Variants in ZEB2 observed in about 807,000 individuals in gnomAD.
The protein encoded by ZEB2 is zinc finger E-box binding homeobox 2.
Under a neutral mutation model 99.9 loss-of-function variants are expected in ZEB2, and 6 were observed. The observed-to-expected ratio is 0.06, with a 90% CI of 0.03 to 0.12. The LOEUF is 0.12. Ranked by LOEUF, ZEB2 falls within the 10% of genes least tolerant of loss-of-function variation. The probability of loss-of-function intolerance (pLI) is 1.00; values close to 1 mark genes in which losing one functional copy is unlikely to be tolerated. For synonymous variants in ZEB2, 517 were observed against 542.5 expected (o/e 0.95, Z 0.65); for missense variants, 969 against 1,502.8 (o/e 0.64, Z 5.87).
chr2:144,415,004 C>CTT (rs71404501), intron 4 of ZEB2, among the ~76,000 whole-genome samples: 13 of 140,448 alleles, frequency 9.3e-5, no homozygotes, highest in East Asian at 4.2e-4. Flanking sequence ...TACTTTTTTT[C>CTT]TTTTTTTTTT....
intron 9 of ZEB2, among the ~76,000 whole-genome samples, chr2:144,394,015 G>A (rs1280382787): frequency 2.6e-5 from 4 of 152,240 alleles, no homozygotes; most frequent in Non-Finnish European, 2.9e-5. Flanking sequence ...TCCGCCTCCC[G>A]GGTTCAAGTG....
At chr2:144,513,669 A>G in intron 2 of ZEB2, 2 of 1,535,086 alleles carry the variant, frequency 1.3e-6, no homozygotes, top group East Asian at 2.4e-5. Flanking sequence ...GGGAAGCAGG[A>G]GCATCCCAGG....
At chr2:144,488,974 T>C (rs1223678148) in intron 2 of ZEB2, among the ~76,000 whole-genome samples, 1 of 152,218 alleles carries the variant, frequency 6.6e-6, no homozygotes, top group Non-Finnish European at 1.5e-5. Flanking sequence ...CCTTTGCACA[T>C]ACTGGGTACT....
At chr2:144,518,991 G>C (rs560306096) in intron 1 of ZEB2, 8 of 152,242 alleles carry the variant, frequency 5.3e-5, no homozygotes, top group Admixed American at 5.2e-4. Flanking sequence ...ATTACAGGGG[G>C]AGCATGTAAA....
intron 4 of ZEB2, among the ~76,000 whole-genome samples, chr2:144,408,869 G>T (rs1218344492): frequency 6.6e-6 from 1 of 152,082 alleles, no homozygotes; most frequent in African/African-American, 2.4e-5. Context: ...GTAGCCAATA[G>T]ATCCAATTAA....
At chr2:144,460,194 G>C (rs766982812) in intron 2 of ZEB2, among the ~76,000 whole-genome samples, 5 of 152,110 alleles carry the variant, frequency 3.3e-5, no homozygotes, top group South Asian at 4.2e-4. Flanking sequence ...ATGTGGACTG[G>C]GGAAGAGTGA....
chr2:144,411,644 A>T (rs1703466478), intron 4 of ZEB2, among the ~76,000 whole-genome samples: 1 of 152,234 alleles, frequency 6.6e-6, no homozygotes, highest in Admixed American at 6.5e-5. Context: ...CCAGGTCGTC[A>T]AGAGCAACAG....
At chr2:144,517,624 T>C in intron 1 of ZEB2, 2 of 642,936 alleles carry the variant, frequency 3.1e-6, no homozygotes, top group East Asian at 6.2e-5. Flanking sequence ...TTTGGTGTGT[T>C]GCACCCGCGA....
intron 4 of ZEB2, among the ~76,000 whole-genome samples, chr2:144,417,093 TC>T (rs1362314457): frequency 6.6e-6 from 1 of 152,230 alleles, no homozygotes; most frequent in Non-Finnish European, 1.5e-5. Flanking sequence ...CAGTGACTCT[TC>T]TTTTCTCACT....
chr2:144,437,551 C>T (rs866054903), intron 2 of ZEB2, among the ~76,000 whole-genome samples: 1 of 152,038 alleles, frequency 6.6e-6, no homozygotes, highest in South Asian at 2.1e-4. Context: ...CACTATCATG[C>T]CTGAAGGATA....
chr2:144,455,566 T>C (rs1266976522), intron 2 of ZEB2, among the ~76,000 whole-genome samples: 3 of 152,220 alleles, frequency 2.0e-5, no homozygotes, highest in Non-Finnish European at 4.4e-5. Flanking sequence ...TGATTAACTC[T>C]CAAAATACAA....
intron 2 of ZEB2, among the ~76,000 whole-genome samples, chr2:144,447,338 T>C (rs1209296179): frequency 1.3e-5 from 2 of 152,230 alleles, no homozygotes; most frequent in African/African-American, 4.8e-5. Flanking sequence ...AAAATTTGCA[T>C]AACTGGTTCT....
intron 2 of ZEB2, among the ~76,000 whole-genome samples, chr2:144,477,430 C>A (rs1273619921): frequency 1.3e-5 from 2 of 152,104 alleles, no homozygotes; most frequent in Non-Finnish European, 1.5e-5. Context: ...CAACTTTAAC[C>A]CCTTTACTGT....
chr2:144,421,158 T>C (rs1186660522), intron 4 of ZEB2, among the ~76,000 whole-genome samples: 2 of 152,150 alleles, frequency 1.3e-5, no homozygotes, highest in African/African-American at 4.8e-5. Context: ...GTGCTGTTTG[T>C]CTCCCATTCA....
At chr2:144,396,707 G>T in intron 8 of ZEB2, 115 bp from the exon 9 acceptor site, 15 of 1,079,502 alleles carry the variant, frequency 1.4e-5, no homozygotes, top group Middle Eastern at 2.5e-4. Context: ...AATTGATTGA[G>T]TTAAACATTT....
At chr2:144,425,505 G>C (rs3821064) in intron 3 of ZEB2, among the ~76,000 whole-genome samples, 35,728 of 151,988 alleles carry the variant, frequency 0.24, 4,353 homozygotes, top group South Asian at 0.31. Flanking sequence ...TCCTCATCAT[G>C]ATTTATGCCC....
At chr2:144,418,992 A>T (rs1409721217) in intron 4 of ZEB2, among the ~76,000 whole-genome samples, 1 of 152,142 alleles carries the variant, frequency 6.6e-6, no homozygotes, top group Non-Finnish European at 1.5e-5. Flanking sequence ...AAGAAAATAA[A>T]AATAAAGTTA....
chr2:144,402,451 G>C (rs924805046), intron 6 of ZEB2, among the ~76,000 whole-genome samples: 3 of 152,118 alleles, frequency 2.0e-5, no homozygotes, highest in African/African-American at 7.2e-5. Flanking sequence ...GCCATTGAGG[G>C]ACCAGCGCTC....
At chr2:144,450,828 A>G (rs1704045868) in intron 2 of ZEB2, among the ~76,000 whole-genome samples, 1 of 151,924 alleles carries the variant, frequency 6.6e-6, no homozygotes, top group South Asian at 2.1e-4. Flanking sequence ...GGCGCCCACC[A>G]CCACGCCTGG....
Sources: gnomAD v4.1 joint callset for allele counts (sites outside exome capture counted in the v4.1 genomes callset) on GRCh38, gnomAD v4.1.1 for gene constraint, MANE v1.5 for transcripts, NCBI Gene and HGNC (gene_info 2026-07-23, HGNC 2026-07-21) for gene names.